Variants in PRKCZ observed in about 807,000 individuals in gnomAD.
PRKCZ encodes the protein protein kinase C zeta.
Under a neutral mutation model 79.5 loss-of-function variants are expected in PRKCZ, and 33 were observed. The observed-to-expected ratio is 0.41, with a 90% CI of 0.31 to 0.55. PRKCZ has a LOEUF of 0.55. Ranked by LOEUF, PRKCZ falls within the 20% of genes least tolerant of loss-of-function variation. The probability of loss-of-function intolerance (pLI) is 0.19; values close to 1 mark genes in which losing one functional copy is unlikely to be tolerated. For synonymous variants in PRKCZ, 342 were observed against 320.9 expected, an observed-to-expected ratio of 1.07 and a Z score of -0.70; for missense variants, 578 against 813.5, an observed-to-expected ratio of 0.71 and a Z score of 3.52.
intron 4 of PRKCZ, among the ~76,000 whole-genome samples, chr1:2,063,260 C>T (rs919228076): frequency 1.3e-5 from 2 of 152,236 alleles, no homozygotes; most frequent in Non-Finnish European, 2.9e-5. Context: ...ACCCTGCCTT[C>T]AGTTCTGGGT....
At chr1:2,105,559 G>A (rs1276297563) in intron 4 of PRKCZ, among the ~76,000 whole-genome samples, 4 of 152,130 alleles carry the variant, frequency 2.6e-5, no homozygotes, top group East Asian at 1.9e-4. Context: ...GCCACCATGC[G>A]CAGCTAATTT....
At chr1:2,139,715 A>G (rs561191892) in intron 5 of PRKCZ, among the ~76,000 whole-genome samples, 1 of 152,252 alleles carries the variant, frequency 6.6e-6, no homozygotes, top group Non-Finnish European at 1.5e-5. Flanking sequence ...TCACGCAGAA[A>G]TGTGCAGCGA....
At chr1:2,104,988 G>A (rs1443505364) in intron 4 of PRKCZ, 1 of 930,868 alleles carries the variant, frequency 1.1e-6, no homozygotes, top group Non-Finnish European at 1.3e-6. Flanking sequence ...AGCCACCCTG[G>A]CTTGTTGACC....
intron 4 of PRKCZ, among the ~76,000 whole-genome samples, chr1:2,097,122 G>T (rs1310816639): frequency 7.2e-5 from 11 of 152,238 alleles, no homozygotes. Context: ...GAGATACCAG[G>T]TTGTCTTGGG....
At chr1:2,135,595 G>A (rs1676029389) in intron 5 of PRKCZ, among the ~76,000 whole-genome samples, 1 of 152,236 alleles carries the variant, frequency 6.6e-6, no homozygotes, top group African/African-American at 2.4e-5. Flanking sequence ...TGTCTGCCTG[G>A]CTGTGTGACT....
intron 10 of PRKCZ, among the ~76,000 whole-genome samples, chr1:2,167,642 C>T (rs191320510): frequency 2.0e-5 from 3 of 152,232 alleles, no homozygotes; most frequent in African/African-American, 7.2e-5. Context: ...CTTGCTCTGT[C>T]GCCCAGGCTG....
intron 10 of PRKCZ, among the ~76,000 whole-genome samples, chr1:2,163,610 G>A (rs1022694530): frequency 6.6e-5 from 10 of 152,202 alleles, no homozygotes; most frequent in African/African-American, 2.4e-4. Flanking sequence ...AAACACTGAG[G>A]CCGGGTGCGG....
At chr1:2,054,062 G>A (rs1238295678) in intron 1 of PRKCZ, among the ~76,000 whole-genome samples, 5 of 152,162 alleles carry the variant, frequency 3.3e-5, no homozygotes, top group Admixed American at 1.3e-4. Context: ...TGTCAGGGCC[G>A]CGGCTGTGGA....
At chr1:2,091,022 C>G (rs1002795052) in intron 4 of PRKCZ, among the ~76,000 whole-genome samples, 3 of 152,128 alleles carry the variant, frequency 2.0e-5, no homozygotes, top group African/African-American at 7.2e-5. Flanking sequence ...AGAGCTGTGG[C>G]CCACTGTAGT....
At chr1:2,109,035 G>A (rs1225013683) in intron 4 of PRKCZ, among the ~76,000 whole-genome samples, 3 of 151,950 alleles carry the variant, frequency 2.0e-5, no homozygotes, top group South Asian at 2.1e-4. Context: ...TGATACAGCC[G>A]CCCCCCCATC....
At chr1:2,171,990 G>C (rs1233855209) in intron 11 of PRKCZ, 65 bp from the exon 12 acceptor site, 1 of 1,530,754 alleles carries the variant, frequency 6.5e-7, no homozygotes, top group African/African-American at 1.4e-5. Flanking sequence ...GTGGCCCCCA[G>C]GCTGGAGCTG....
Position 2,094,803 on chromosome 1 carries a change from C to A in PRKCZ, c.334+35212C>A, listed in dbSNP as rs1666175032. ...TCTGAGGCGTCTGCTGTGGCCCTTACCGTCTGGCTTCTCTGCTGGCTCTTT... is the reference window on the plus strand; with the variant it reads ...TCTGAGGCGTCTGCTGTGGCCCTTAACGTCTGGCTTCTCTGCTGGCTCTTT... On this transcript the variant is annotated intron_variant, in intron 4 of 17. Transcript: ENST00000378567. This position sits in a 1 kb window ranked among gnomAD's most constrained non-coding sequence, Gnocchi z 7.3. Among the ~76,000 whole-genome samples the A allele has an allele frequency of 2.0e-5, 3 of 152,238 alleles. No homozygotes were observed. The highest frequency in any genetic ancestry group is 7.2e-5 in the African/African-American group (3 of 41,440).
intron 4 of PRKCZ, among the ~76,000 whole-genome samples, chr1:2,086,450 C>T (rs1384228862): frequency 6.6e-6 from 1 of 152,214 alleles, no homozygotes; most frequent in Non-Finnish European, 1.5e-5. Flanking sequence ...GGCTCTGGTC[C>T]TCCCAGGTTT....
intron 4 of PRKCZ, among the ~76,000 whole-genome samples, chr1:2,088,571 T>G (rs1571279405): frequency 6.6e-6 from 1 of 151,756 alleles, no homozygotes; most frequent in Non-Finnish European, 1.5e-5. Context: ...CTTCCGGAGG[T>G]CCCAGAGCCC....
At position 2,056,533 on chromosome 1, in the gene PRKCZ, C is replaced by T. The variant is rs745599840; in HGVS notation, c.243C>T (p.Arg81=). ...AGATGGAGCTGGAAGAGGCTTTCCGCCTGGCCCGTCAGTGCAGGGATGAAG... is the reference window on the plus strand; with the variant it reads ...AGATGGAGCTGGAAGAGGCTTTCCGTCTGGCCCGTCAGTGCAGGGATGAAG... ...SSQMELEEAF[R]LARQCRDEGL... Residue 81 remains arginine, a synonymous_variant, in exon 3 of 18, where the codon CGC becomes CGT. Coordinates refer to ENST00000378567, the MANE Select transcript of PRKCZ (RefSeq NM_002744.6). 3 of 1,613,984 alleles carry T rather than the reference C, an allele frequency of 1.9e-6. No homozygotes were observed. In the South Asian group the frequency reaches 3.3e-5, roughly 18 times the overall value.
chr1:2,150,786 C>T lies in PRKCZ; in HGVS notation c.688-4C>T. ...CTTTCTGGGGTCTTGTTCTCCCTCC[C>T]TAGGACCTTAAGCCAGTTATCGATG... On this transcript the variant is annotated splice_polypyrimidine_tract_variant and splice_region_variant and intron_variant, in intron 8 of 17. Transcript: ENST00000378567. The T allele has an allele frequency of 6.2e-7, 1 of 1,613,046 alleles. No homozygotes were observed. The highest frequency in any genetic ancestry group is 1.1e-5 in the South Asian group (1 of 91,036).
intron 4 of PRKCZ, among the ~76,000 whole-genome samples, chr1:2,107,417 C>T (rs572798746): frequency 3.6e-4 from 55 of 152,376 alleles, no homozygotes; most frequent in South Asian, 2.1e-3. Context: ...CACACACTCC[C>T]GTGCCCGTTG....
intron 10 of PRKCZ, among the ~76,000 whole-genome samples, chr1:2,159,976 G>A (rs948012739): frequency 6.6e-6 from 1 of 152,148 alleles, no homozygotes; most frequent in African/African-American, 2.4e-5. Flanking sequence ...ACTAAGGCAC[G>A]GTGATCTCAG....
At chr1:2,069,328 T>A (rs999917636) in intron 4 of PRKCZ, among the ~76,000 whole-genome samples, 4 of 151,844 alleles carry the variant, frequency 2.6e-5, no homozygotes, top group African/African-American at 9.7e-5. Context: ...AGAACCCCCG[T>A]GAGTGGAGGC....
Sources: gnomAD v4.1 joint callset for allele counts (sites outside exome capture counted in the v4.1 genomes callset) on GRCh38, gnomAD v4.1.1 for gene constraint, Gnocchi (gnomAD v3.1) non-coding constraint, MANE v1.5 for transcripts, NCBI Gene and HGNC (gene_info 2026-07-23, HGNC 2026-07-21) for gene names.